MIPOL1: variants seen among roughly 807,000 people sequenced by gnomAD.
MIPOL1 encodes the protein mirror-image polydactyly 1.
Under a neutral mutation model 60.9 loss-of-function variants are expected in MIPOL1, and 57 were observed. That is an observed-to-expected ratio of 0.94 (90% CI 0.76 to 1.17). MIPOL1 has a LOEUF of 1.17. Among genes scored for constraint, MIPOL1 ranks in the 50% most tolerant of loss-of-function variants. The probability of loss-of-function intolerance (pLI) is 0.00; values close to 1 mark genes in which losing one functional copy is unlikely to be tolerated. For synonymous variants in MIPOL1, 179 were observed against 168.8 expected, an observed-to-expected ratio of 1.06 and a Z score of -0.47; for missense variants, 551 against 511.6, an observed-to-expected ratio of 1.08 and a Z score of -0.74.
chr14:37,356,770 G>T (rs1241294510), intron 9 of MIPOL1, among the ~76,000 whole-genome samples: 1 of 152,128 alleles, frequency 6.6e-6, no homozygotes, highest in Admixed American at 6.5e-5. Flanking sequence ...TTCGGCTCAC[G>T]CACGGTGCGC....
intron 9 of MIPOL1, among the ~76,000 whole-genome samples, chr14:37,317,869 T>G (rs560726609): frequency 6.6e-6 from 1 of 152,292 alleles, no homozygotes; most frequent in African/African-American, 2.4e-5. Context: ...GTAAGCCAGA[T>G]TCAGAAGTGG....
intron 11 of MIPOL1, among the ~76,000 whole-genome samples, chr14:37,491,797 A>G (rs2095051684): frequency 6.6e-6 from 1 of 152,206 alleles, no homozygotes; most frequent in Admixed American, 6.5e-5. Context: ...TTAGCAGGTT[A>G]TTTTATTAAA....
chr14:37,440,973 G>A (rs903183800), intron 11 of MIPOL1, among the ~76,000 whole-genome samples: 1 of 152,112 alleles, frequency 6.6e-6, no homozygotes, highest in African/African-American at 2.4e-5. Flanking sequence ...CAATGAGGAT[G>A]TCTCATTGAA....
intron 11 of MIPOL1, among the ~76,000 whole-genome samples, chr14:37,479,471 T>A (rs561213298): frequency 1.8e-4 from 27 of 152,116 alleles, no homozygotes; most frequent in African/African-American, 6.5e-4. Flanking sequence ...TTAAAAGAAA[T>A]ATTTAAAAAT....
intron 10 of MIPOL1, 131 bp downstream of exon 10, chr14:37,369,755 T>C (rs1445864803): frequency 3.7e-6 from 2 of 540,510 alleles, no homozygotes; most frequent in Non-Finnish European, 6.7e-6. Flanking sequence ...ACCCCTTCTT[T>C]AAACACAGAT....
At chr14:37,399,226 A>G (rs543801948) in intron 10 of MIPOL1, among the ~76,000 whole-genome samples, 4 of 152,336 alleles carry the variant, frequency 2.6e-5, no homozygotes, top group Admixed American at 2.0e-4. Flanking sequence ...TGTGTGTTTC[A>G]TGTGACCCAA....
intron 10 of MIPOL1, among the ~76,000 whole-genome samples, chr14:37,375,733 T>C (rs2092758621): frequency 6.6e-6 from 1 of 152,038 alleles, no homozygotes; most frequent in Non-Finnish European, 1.5e-5. Flanking sequence ...TCCTGTTCTC[T>C]CTTTTCTCTT....
At chr14:37,502,407 T>A (rs12891850) in intron 12 of MIPOL1, 86,341 of 152,232 alleles carry the variant, frequency 0.57, 25,842 homozygotes, top group Non-Finnish European at 0.66. Context: ...AGAGGAAGGA[T>A]CAGGCAGCAA....
At chr14:37,446,089 A>C (rs1403829511) in intron 11 of MIPOL1, among the ~76,000 whole-genome samples, 24 of 152,354 alleles carry the variant, frequency 1.6e-4, no homozygotes, top group African/African-American at 5.5e-4. Flanking sequence ...TAATTAAATG[A>C]AAGAGCTTCT....
chr14:37,453,440 T>C (rs2094444272), intron 11 of MIPOL1, among the ~76,000 whole-genome samples: 1 of 152,130 alleles, frequency 6.6e-6, no homozygotes, highest in Non-Finnish European at 1.5e-5. Flanking sequence ...GGTGAAAAAG[T>C]CTTGAGAAAA....
At chr14:37,453,243 C>G (rs1244941951) in intron 11 of MIPOL1, among the ~76,000 whole-genome samples, 1 of 152,016 alleles carries the variant, frequency 6.6e-6, no homozygotes, top group Non-Finnish European at 1.5e-5. Flanking sequence ...TTACTTCCTA[C>G]ATCTTGTGAG....
intron 11 of MIPOL1, among the ~76,000 whole-genome samples, chr14:37,423,172 G>A (rs924121680): frequency 9.9e-5 from 15 of 151,594 alleles, no homozygotes; most frequent in Non-Finnish European, 2.2e-4. Context: ...CATTGTAACT[G>A]AAATTTACAT....
chr14:37,488,103 T>C (rs2094982427), intron 11 of MIPOL1, among the ~76,000 whole-genome samples: 2 of 152,234 alleles, frequency 1.3e-5, no homozygotes, highest in South Asian at 4.1e-4. Flanking sequence ...CAGTAGTCAT[T>C]CAGGAGCAGG....
chr14:37,510,224 G>T (rs1044764680), intron 12 of MIPOL1, among the ~76,000 whole-genome samples: 1 of 151,842 alleles, frequency 6.6e-6, no homozygotes, highest in Non-Finnish European at 1.5e-5. Context: ...ATACGTGTGT[G>T]TGTATATATA....
At chr14:37,320,504 T>C (rs1595119036) in intron 9 of MIPOL1, among the ~76,000 whole-genome samples, 1 of 152,088 alleles carries the variant, frequency 6.6e-6, no homozygotes, top group Non-Finnish European at 1.5e-5. Flanking sequence ...TTTGTTGTTT[T>C]TCTTATTGAT....
chr14:37,327,198 A>C (rs1318285562), intron 9 of MIPOL1, among the ~76,000 whole-genome samples: 2 of 152,212 alleles, frequency 1.3e-5, no homozygotes, highest in Non-Finnish European at 2.9e-5. Flanking sequence ...GAGGTCAGTA[A>C]AACTATGCAG....
At chr14:37,403,817 A>G (rs1015167896) in intron 10 of MIPOL1, among the ~76,000 whole-genome samples, 1 of 152,170 alleles carries the variant, frequency 6.6e-6, no homozygotes, top group Admixed American at 6.6e-5. Context: ...GCTGCTTGTG[A>G]TGACCCAACA....
intron 11 of MIPOL1, among the ~76,000 whole-genome samples, chr14:37,498,609 G>A (rs185015652): frequency 4.9e-4 from 75 of 152,182 alleles, no homozygotes; most frequent in Middle Eastern, 6.8e-3. Flanking sequence ...ATAACAATGT[G>A]CAAACCATGA....
chr14:37,527,341 T>C (rs955915249), intron 12 of MIPOL1, among the ~76,000 whole-genome samples: 1 of 152,124 alleles, frequency 6.6e-6, no homozygotes, highest in Non-Finnish European at 1.5e-5. Context: ...TTATTATTAT[T>C]ATCATTTATG....
Sources: allele counts gnomAD v4.1 joint callset (sites outside exome capture counted in the v4.1 genomes callset), GRCh38; gene constraint gnomAD v4.1.1; transcripts MANE v1.5; gene names NCBI Gene and HGNC (gene_info 2026-07-23, HGNC 2026-07-21).